The following EML6 variants were observed in gnomAD, a reference collection of about 807,000 sequenced individuals.
EML6 encodes the protein echinoderm microtubule-associated protein-like 6.
A neutral mutation model predicts 240.1 loss-of-function variants in EML6; 154 were observed. That is an observed-to-expected ratio of 0.64 (90% CI 0.56 to 0.73). EML6 has a LOEUF of 0.73. Among genes scored for constraint, EML6 ranks in the 30% least tolerant of loss-of-function variants. The probability of loss-of-function intolerance (pLI) is 0.00; values close to 1 mark genes in which losing one functional copy is unlikely to be tolerated. For missense variants in EML6, 2,964 were observed against 2,474.6 expected, an observed-to-expected ratio of 1.20 and a Z score of -4.20; for synonymous variants, 1,148 against 899.0, an observed-to-expected ratio of 1.28 and a Z score of -4.95.
chr2:54,935,860 C>G (rs1011034380), intron 28 of EML6, among the ~76,000 whole-genome samples: 5 of 152,090 alleles, frequency 3.3e-5, no homozygotes, highest in Non-Finnish European at 7.4e-5. Flanking sequence ...GGCCCTATCT[C>G]TACAAACAAA....
chr2:54,967,227 TG>T lies in EML6; in HGVS notation c.5597+129del, dbSNP rs142151626. 2.6e-4 allele frequency: 170 copies of T among 656,646 alleles called. 2 individuals carry two copies. The East Asian group carries it at 4.9e-3, about 19-fold the overall frequency. The allele number at this position is 656,646 out of a possible 1,614,324, so 40.7% of individuals were successfully genotyped here. A position where few individuals can be genotyped will look rare whatever the true frequency, so the allele number is the denominator to read the frequency against. ...TGAGAAATGGAGCTGTCTTTTCTTTTGGGGGTGAGGGTGGGAGGCTTCTTGG... is the reference window on the plus strand; with the variant it reads ...TGAGAAATGGAGCTGTCTTTTCTTTTGGGGTGAGGGTGGGAGGCTTCTTGG... On this transcript the variant is annotated intron_variant, in intron 39 of 41. Coordinates refer to ENST00000356458, the MANE Select transcript of EML6 (RefSeq NM_001039753.4).
Position 54,968,797 on chromosome 2 carries a change from T to G in EML6, c.5852+29T>G, listed in dbSNP as rs1676863820. The G allele has an allele frequency of 2.4e-6, 3 of 1,263,272 alleles. No individual in the cohort carries two copies. The East Asian group carries it at 7.6e-5, about 32-fold the overall frequency. 78.3% of individuals were successfully genotyped at this position (1,263,272 alleles called of 1,614,324 possible). Reference sequence around the variant, plus strand: ...CTAACGTAGCTGACCCAGTTCTTACTCCACAGGCCTGGCCAGCTCTCCCTC... The same window carrying G: ...CTAACGTAGCTGACCCAGTTCTTACGCCACAGGCCTGGCCAGCTCTCCCTC... On this transcript the variant is annotated intron_variant, in intron 41 of 41. Transcript: ENST00000356458.
At chr2:54,944,921 C>T (rs375221089) in intron 28 of EML6, among the ~76,000 whole-genome samples, 2 of 151,776 alleles carry the variant, frequency 1.3e-5, no homozygotes, top group African/African-American at 4.9e-5. Flanking sequence ...GGAGATTTTT[C>T]CTAACCCTGG....
intron 29 of EML6, among the ~76,000 whole-genome samples, chr2:54,949,377 A>G (rs941697337): frequency 6.6e-6 from 1 of 152,174 alleles, no homozygotes; most frequent in South Asian, 2.1e-4. Flanking sequence ...ATAGCCACGA[A>G]GCGTTTCATA....
In EML6 at chr2:54,957,999, G is replaced by T. The variant is rs1343033857; in HGVS notation, c.4695+1G>T. 6.5e-7 allele frequency: 1 copy of T among 1,548,614 alleles called. No individual in the cohort carries two copies. The highest frequency in any genetic ancestry group is 8.7e-7 in the Non-Finnish European group (1 of 1,144,918). On this transcript the variant is annotated splice_donor_variant, in intron 33 of 41. Coordinates refer to ENST00000356458, the MANE Select transcript of EML6 (RefSeq NM_001039753.4). LOFTEE classifies it high-confidence loss of function. ...GATGCTCTCCGTGGCCTTCGGTGCTGTGAGTTCTAGCAGATACTCCCTGAG... is the reference window on the plus strand; with the variant it reads ...GATGCTCTCCGTGGCCTTCGGTGCTTTGAGTTCTAGCAGATACTCCCTGAG...
intron 30 of EML6, among the ~76,000 whole-genome samples, chr2:54,952,272 CCTT>C (rs1029323075): frequency 2.0e-5 from 3 of 152,154 alleles, no homozygotes; most frequent in Non-Finnish European, 4.4e-5. Context: ...GAGACTTTGA[CCTT>C]CATCATTGTG....
chr2:54,777,843 G>T (rs545139692), intron 2 of EML6, among the ~76,000 whole-genome samples: 4 of 152,220 alleles, frequency 2.6e-5, no homozygotes, highest in Admixed American at 2.6e-4. Flanking sequence ...GGTTATTTGA[G>T]AATATGATTT....
chr2:54,797,983 C>G (rs903236172), intron 2 of EML6, among the ~76,000 whole-genome samples: 1 of 151,816 alleles, frequency 6.6e-6, no homozygotes, highest in East Asian at 1.9e-4. Flanking sequence ...ATTCTAGGAC[C>G]CTTGTACTTC....
At chr2:54,849,631 G>A (rs1669962167) in intron 9 of EML6, among the ~76,000 whole-genome samples, 1 of 152,190 alleles carries the variant, frequency 6.6e-6, no homozygotes. Flanking sequence ...TGGGACTACA[G>A]GCGCCTGCCA....
chr2:54,799,641 C>A (rs1670014224), intron 2 of EML6, among the ~76,000 whole-genome samples: 1 of 152,232 alleles, frequency 6.6e-6, no homozygotes, highest in Non-Finnish European at 1.5e-5. Flanking sequence ...TCGTGCCCAG[C>A]TGTGCATGGT....
At chr2:54,855,527 A>G (rs375917144) in intron 11 of EML6, among the ~76,000 whole-genome samples, 2 of 148,880 alleles carry the variant, frequency 1.3e-5, no homozygotes, top group East Asian at 2.0e-4. Flanking sequence ...CACATGTCCA[A>G]ACTATATTAC....
intron 33 of EML6, among the ~76,000 whole-genome samples, chr2:54,958,596 A>T (rs552867576): frequency 1.3e-5 from 2 of 152,202 alleles, no homozygotes; most frequent in South Asian, 4.2e-4. Context: ...GCCCCAGAGG[A>T]TATTGGGAAC....
At chr2:54,952,753 A>G (rs1321370922) in intron 31 of EML6, 61 bp downstream of exon 31, 10 of 1,155,420 alleles carry the variant, frequency 8.7e-6, no homozygotes, top group African/African-American at 7.7e-5. Context: ...CCTGTCAGCA[A>G]TTATTGGGAG....
chr2:54,764,180 C>T (rs1237223499), intron 2 of EML6, among the ~76,000 whole-genome samples: 2 of 152,218 alleles, frequency 1.3e-5, no homozygotes, highest in African/African-American at 4.8e-5. Flanking sequence ...AGGTTATAGA[C>T]AGCGGCCATT....
chr2:54,888,035 G>A (rs1473272070), intron 17 of EML6, among the ~76,000 whole-genome samples: 2 of 152,214 alleles, frequency 1.3e-5, no homozygotes, highest in African/African-American at 4.8e-5. Flanking sequence ...CTAGCAATGG[G>A]CTTGCTGCCC....
chr2:54,915,840 C>G (rs1015511680), intron 25 of EML6, among the ~76,000 whole-genome samples: 4 of 152,088 alleles, frequency 2.6e-5, no homozygotes, highest in Admixed American at 2.0e-4. Flanking sequence ...TTCTTTTACT[C>G]CAGTGCTTTC....
At chr2:54,756,202 T>A (rs551333313) in intron 2 of EML6, among the ~76,000 whole-genome samples, 2 of 152,226 alleles carry the variant, frequency 1.3e-5, no homozygotes, top group East Asian at 3.9e-4. Context: ...TGGGTGAAAT[T>A]TAGGGCTTAC....
chr2:54,881,958 G>T (rs953383635), intron 17 of EML6: 5 of 152,404 alleles, frequency 3.3e-5, no homozygotes, highest in African/African-American at 1.2e-4. Flanking sequence ...GAGCATGGTT[G>T]GTAGCTGTGG....
chr2:54,762,359 T>C (rs1668016517), intron 2 of EML6, among the ~76,000 whole-genome samples: 1 of 152,192 alleles, frequency 6.6e-6, no homozygotes, highest in South Asian at 2.1e-4. Flanking sequence ...CCACTCATTA[T>C]TGGTGATGTT....
Sources: gnomAD v4.1 joint callset for allele counts (sites outside exome capture counted in the v4.1 genomes callset) on GRCh38, gnomAD v4.1.1 for gene constraint, MANE v1.5 for transcripts, NCBI Gene and HGNC (gene_info 2026-07-23, HGNC 2026-07-21) for gene names.